GBP6: variants seen among roughly 807,000 people sequenced by gnomAD.
GBP6 encodes guanylate binding protein family member 6.
A neutral mutation model predicts 61.5 loss-of-function variants in GBP6; 54 were observed. That is an observed-to-expected ratio of 0.88 (90% CI 0.71 to 1.10). The LOEUF is 1.10. Ranked by LOEUF, GBP6 falls within the 50% of genes least tolerant of loss-of-function variation. The probability of loss-of-function intolerance (pLI) is 0.00; values close to 1 mark genes in which losing one functional copy is unlikely to be tolerated. For missense variants in GBP6, 748 were observed against 752.8 expected (o/e 0.99, Z 0.07); for synonymous variants, 255 against 273.7 (o/e 0.93, Z 0.67).
intron 8 of GBP6, 122 bp downstream of exon 8, chr1:89,382,998 A>T (rs10733091): frequency 1.6e-6 from 1 of 607,340 alleles, no homozygotes; most frequent in Non-Finnish European, 2.9e-6. Context: ...ATGTCCACTA[A>T]TTAATATTTA....
At chr1:89,365,434 T>C (rs1652443840) in intron 1 of GBP6, among the ~76,000 whole-genome samples, 1 of 152,232 alleles carries the variant, frequency 6.6e-6, no homozygotes, top group Non-Finnish European at 1.5e-5. Flanking sequence ...ACTGTGGAAA[T>C]CAGGACCTCG....
chr1:89,366,268 T>G (rs1652464099), intron 1 of GBP6, among the ~76,000 whole-genome samples: 1 of 152,218 alleles, frequency 6.6e-6, no homozygotes, highest in Admixed American at 6.5e-5. Context: ...TCTTATTCTT[T>G]TTCTTATTCT....
In GBP6 at chr1:89,382,811, C is replaced by T; in HGVS notation, c.1300C>T (p.Leu434Phe). ...GSFSVPGGHK[L>F]YMETKERIEQ... ...TTTCTCTGTTCCTGGAGGGCACAAG[C>T]TCTACATGGAAACAAAGGAAAGGAT... The change falls in exon 8 of 11, where the codon CTC becomes TTC. Residue 434 changes from leucine (L) to phenylalanine (F), a missense_variant. By Grantham distance (22) the Leu-to-Phe change is conservative (BLOSUM62 0). Transcript: ENST00000370456. 1.2e-6 allele frequency: 2 copies of T among 1,614,010 alleles called. No individual in the cohort carries two copies. The highest frequency in any genetic ancestry group is 1.7e-6 in the Non-Finnish European group (2 of 1,179,916).
In GBP6 at chr1:89,379,349, G is replaced by A. The variant is rs1282583984; in HGVS notation, c.625+736G>A. 1.3e-3 allele frequency among the ~76,000 whole-genome samples: 6 copies of A among 4,598 alleles called. No homozygotes were observed. The South Asian group carries it at 0.035, about 27-fold the overall frequency. The allele number at this position is 4,598 out of a possible 152,430, so 3.0% of individuals were successfully genotyped here. A position where few individuals can be genotyped will look rare whatever the true frequency, so the allele number is the denominator to read the frequency against. On this transcript the variant is annotated intron_variant, in intron 5 of 10. Transcript: ENST00000370456. The stretch of plus-strand genomic sequence containing the variant: ...CCACTAGGCCCACCTCCAACATTGG[G>A]GGGGGGGGGTCATATTTCAACATGA...
chr1:89,371,232 CA>C (rs1652630631), intron 3 of GBP6, among the ~76,000 whole-genome samples: 4 of 152,224 alleles, frequency 2.6e-5, no homozygotes, highest in Admixed American at 2.0e-4. Context: ...ACCAGAGGTA[CA>C]AGGAGGAGCT....
chr1:89,372,951 C>T (rs939185057), intron 3 of GBP6, among the ~76,000 whole-genome samples: 1 of 152,088 alleles, frequency 6.6e-6, no homozygotes, highest in African/African-American at 2.4e-5. Context: ...CTACAATGAA[C>T]TCAAACAAAT....
At position 89,383,641 on chromosome 1, in the gene GBP6, TC is replaced by T; in HGVS notation, c.1366-9del. ...TCAAAGAAATCTAAGTGCTTTTTCT[TC>T]CTTCCATAGGCAAAAGAGGTCTTCC... On this transcript the variant is annotated splice_polypyrimidine_tract_variant and intron_variant, in intron 8 of 10. Coordinates refer to ENST00000370456, the MANE Select transcript of GBP6 (RefSeq NM_198460.3). The T allele has an allele frequency of 1.3e-6, 2 of 1,574,854 alleles. No individual in the cohort carries two copies. The highest frequency in any genetic ancestry group is 1.7e-6 in the Non-Finnish European group (2 of 1,154,786).
At chr1:89,365,263 A>G (rs1177475565) in intron 1 of GBP6, among the ~76,000 whole-genome samples, 2 of 152,244 alleles carry the variant, frequency 1.3e-5, no homozygotes, top group Admixed American at 6.5e-5. Flanking sequence ...TGTGGTTCCC[A>G]CACAGCTAAG....
In GBP6 at chr1:89,368,123, C is replaced by T. The variant is rs941076210; in HGVS notation, c.-23-406C>T. Among the ~76,000 whole-genome samples, 22 of 151,972 alleles carry T rather than the reference C, an allele frequency of 1.4e-4. 1 individual carries two copies. Among genetic ancestry groups the T allele is most frequent in the Admixed American group, 8.5e-4 (13 of 15,272 alleles). ...TAATCAATTGTCCAGGTTTGTAAGC[C>T]GGGTTCTATGATTTCTGCATTCATC... On this transcript the variant is annotated intron_variant, in intron 1 of 10. Transcript: ENST00000370456.
rs1380998213 is a variant in GBP6, at chr1:89,380,447, A to G, written c.687A>G (p.Pro229=). The change falls in exon 6 of 11, where the codon CCA becomes CCG. Residue 229 remains proline, a synonymous_variant. Transcript: ENST00000370456. ...GGGAGTGCATCAGGCGTTTCTTTCCAAAACGGAAGTGTTTCGTCTTTGACC... is the reference window on the plus strand; with the variant it reads ...GGGAGTGCATCAGGCGTTTCTTTCCGAAACGGAAGTGTTTCGTCTTTGACC... ...FPRECIRRFF[P]KRKCFVFDRP... The G allele has an allele frequency of 3.1e-6, 5 of 1,614,150 alleles. No individual in the cohort carries two copies. The highest frequency in any genetic ancestry group is 3.3e-4 in the Middle Eastern group (2 of 6,062).
At chr1:89,382,430 A>G (rs999219130) in intron 7 of GBP6, among the ~76,000 whole-genome samples, 1 of 152,240 alleles carries the variant, frequency 6.6e-6, no homozygotes, top group Non-Finnish European at 1.5e-5. Flanking sequence ...TAGTCTCATC[A>G]TGTCACAGAT....
rs1449844127 is a variant in GBP6 at position 89,386,524 on chromosome 1, C to CT, written c.*1056dup. ...AGCCAGCCCAATGAGGGGTCTAAGA[C>CT]TAAGATCTGAGTACTAGAATGCAAA... On this transcript the variant is annotated 3_prime_UTR_variant, in exon 11 of 11. Coordinates refer to ENST00000370456, the MANE Select transcript of GBP6 (RefSeq NM_198460.3). 1 of 152,188 alleles carries CT rather than the reference C, an allele frequency of 6.6e-6. No homozygotes were observed. The highest frequency in any genetic ancestry group is 2.4e-5 in the African/African-American group (1 of 41,448). 9.4% of individuals were successfully genotyped at this position (152,188 alleles called of 1,614,324 possible). A position where few individuals can be genotyped will look rare whatever the true frequency, so the allele number is the denominator to read the frequency against.
intron 3 of GBP6, among the ~76,000 whole-genome samples, chr1:89,370,153 G>A (rs938022386): frequency 6.6e-6 from 1 of 152,210 alleles, no homozygotes; most frequent in Non-Finnish European, 1.5e-5. Flanking sequence ...CATCCCTGGT[G>A]CTGGTCAATC....
intron 5 of GBP6, 104 bp from the exon 6 acceptor site, chr1:89,380,282 G>A: frequency 1.1e-6 from 1 of 924,538 alleles, no homozygotes; most frequent in Non-Finnish European, 1.7e-6. Flanking sequence ...AGGTCTGTAA[G>A]CATAGAAGAT....
Position 89,378,438 on chromosome 1 carries a change from A to T in GBP6, c.450A>T (p.Glu150Asp). ...CTAGTTATGTGACGGAGCTCACAGA[A>T]CTAATTAAGGCAAAGTCCTCCCCAA... is the stretch of plus-strand genomic sequence containing the variant. ...EQLHYVTELT[E>D]LIKAKSSPRP... The change falls in exon 5 of 11, where the codon GAA becomes GAT. Residue 150 changes from glutamate to aspartate, a missense_variant. Transcript: ENST00000370456. 6.2e-7 allele frequency: 1 copy of T among 1,614,030 alleles called. No homozygotes were observed. Among genetic ancestry groups the T allele is most frequent in the Non-Finnish European group, 8.5e-7 (1 of 1,179,974 alleles).
chr1:89,373,513 T>A (rs1301633161), intron 3 of GBP6, among the ~76,000 whole-genome samples: 3 of 152,144 alleles, frequency 2.0e-5, no homozygotes, highest in African/African-American at 7.2e-5. Flanking sequence ...ATGTCCTTTG[T>A]AGGCACATGG....
Position 89,381,851 on chromosome 1 carries a change from G to T in GBP6, c.1029G>T (p.Lys343Asn). The T allele has an allele frequency of 6.2e-7, 1 of 1,614,112 alleles. No individual in the cohort carries two copies. Among genetic ancestry groups the T allele is most frequent in the Non-Finnish European group, 8.5e-7 (1 of 1,180,002 alleles). The change falls in exon 7 of 11, where the codon AAG becomes AAT. Residue 343 changes from lysine to asparagine, a missense_variant. Lys to Asn is a moderately conservative substitution (Grantham distance 94). Coordinates refer to ENST00000370456, the MANE Select transcript of GBP6 (RefSeq NM_198460.3). ...YYSQQMAQRV[K>N]LPTDTLQELL... ...GCCAGCAGATGGCCCAGCGAGTGAA[G>T]CTCCCCACAGACACGCTCCAGGAGC...
chr1:89,380,532 G>A lies in GBP6; in HGVS notation c.772G>A (p.Asp258Asn). ...TGAGAAGGTGTCAGAAAAGCAACTGGATCCCAAATTCCAGGAACAAACAAA... is the reference window on the plus strand; with the variant it reads ...TGAGAAGGTGTCAGAAAAGCAACTGAATCCCAAATTCCAGGAACAAACAAA... The part of the protein sequence containing the change: ...NIEKVSEKQL[D>N]PKFQEQTNIF... The change falls in exon 6 of 11, where the codon GAT (aspartate) becomes AAT (asparagine). Residue 258 changes from aspartate to asparagine, a missense_variant. Transcript: ENST00000370456. 1.2e-5 allele frequency: 20 copies of A among 1,614,052 alleles called. No homozygotes were observed. Among genetic ancestry groups the A allele is most frequent in the Non-Finnish European group, 1.7e-5 (20 of 1,179,992 alleles).
At position 89,369,680 on chromosome 1, in the gene GBP6, C is replaced by A; in HGVS notation, c.318+7C>A. ...TCTGGGCGATGTGGAAAAGGTAAGA[C>A]AGAGAGTCATAGACAGGTTCCTTTT... On this transcript the variant is annotated splice_region_variant and intron_variant, in intron 3 of 10. Coordinates refer to ENST00000370456, the MANE Select transcript of GBP6 (RefSeq NM_198460.3). 1 of 1,613,162 alleles carries A rather than the reference C, an allele frequency of 6.2e-7. No individual in the cohort carries two copies. The highest frequency in any genetic ancestry group is 1.3e-5 in the African/African-American group (1 of 75,008).
Sources: allele counts gnomAD v4.1 joint callset (sites outside exome capture counted in the v4.1 genomes callset), GRCh38; gene constraint gnomAD v4.1.1; transcripts MANE v1.5; gene names NCBI Gene and HGNC (gene_info 2026-07-23, HGNC 2026-07-21).